Variants in PDZD2 observed in about 807,000 individuals in gnomAD.
PDZD2 encodes the protein PDZ domain containing 2, also known as PDZ domain-containing protein 2.
PDZD2 carries 90 observed loss-of-function variants against 220.7 expected under a neutral mutation model. The observed-to-expected ratio is 0.41, with a 90% CI of 0.34 to 0.49. The LOEUF (loss-of-function observed/expected upper bound fraction) is 0.49, where lower values mean the gene tolerates loss of function less well. Ranked by LOEUF, PDZD2 falls within the 20% of genes least tolerant of loss-of-function variation. The probability of loss-of-function intolerance (pLI) is 0.28; values close to 1 mark genes in which losing one functional copy is unlikely to be tolerated. For synonymous variants in PDZD2, 1,375 were observed against 1,450.5 expected (o/e 0.95, Z 1.18); for missense variants, 3,174 against 3,608.5 (o/e 0.88, Z 3.08).
chr5:31,918,898 A>G (rs1743917460), intron 2 of PDZD2, among the ~76,000 whole-genome samples: 1 of 152,160 alleles, frequency 6.6e-6, no homozygotes, highest in Non-Finnish European at 1.5e-5. Flanking sequence ...GCTCTTGTCA[A>G]GTAACTAGTG....
chr5:31,700,506 G>A (rs571534642), intron 1 of PDZD2, among the ~76,000 whole-genome samples: 101 of 152,188 alleles, frequency 6.6e-4, no homozygotes, highest in African/African-American at 2.2e-3. Flanking sequence ...TGCTTAGGTG[G>A]CCCCTGTCTC....
chr5:32,098,541 G>A lies in PDZD2; in HGVS notation c.8125G>A (p.Asp2709Asn), dbSNP rs765965222. The change falls in exon 23 of 25, where the codon GAT becomes AAT. Residue 2709 changes from aspartate (D) to asparagine (N), a missense_variant. Physicochemically the swap from Asp to Asn is conservative, Grantham distance 23. Around this residue, in one of 4 missense-constraint regions of PDZD2, gnomAD observed 631 missense variants for 789.9 expected, o/e 0.80. Transcript: ENST00000438447. This position sits in a 1 kb window ranked among gnomAD's most constrained non-coding sequence, Gnocchi z 4.1. Reference sequence around the variant, plus strand: ...CCTCGTGGTCATCAAGAAAGGGATGGATCAGCCCAGGCCCTCTGCCCGGCA... The same window carrying A: ...CCTCGTGGTCATCAAGAAAGGGATGAATCAGCCCAGGCCCTCTGCCCGGCA... ...DALVVIKKGM[D>N]QPRPSARQEP... 7 of 1,614,042 alleles carry A rather than the reference G, an allele frequency of 4.3e-6. No individual in the cohort carries two copies. The highest frequency in any genetic ancestry group is 1.3e-5 in the African/African-American group (1 of 74,924).
intron 1 of PDZD2, among the ~76,000 whole-genome samples, chr5:31,643,936 A>T (rs1745038512): frequency 6.6e-6 from 1 of 151,722 alleles, no homozygotes; most frequent in South Asian, 2.1e-4. Context: ...CTTCCACCTC[A>T]GCCTCCCAAG....
At chr5:31,847,710 C>T (rs1469397914) in intron 2 of PDZD2, 2 of 602,220 alleles carry the variant, frequency 3.3e-6, no homozygotes, top group Non-Finnish European at 6.3e-6. Context: ...TGGATGCAGG[C>T]CTTGCCAGAA....
At chr5:32,014,077 C>T (rs1251073380) in intron 6 of PDZD2, among the ~76,000 whole-genome samples, 5 of 152,162 alleles carry the variant, frequency 3.3e-5, no homozygotes, top group Admixed American at 2.0e-4. Context: ...GTTATATGTT[C>T]ACAATCTATG....
At chr5:31,790,256 C>A (rs1402721585) in intron 1 of PDZD2, among the ~76,000 whole-genome samples, 3 of 152,110 alleles carry the variant, frequency 2.0e-5, no homozygotes, top group Non-Finnish European at 4.4e-5. Context: ...CGCCACCATG[C>A]CCAGCTAATT....
intron 2 of PDZD2, among the ~76,000 whole-genome samples, chr5:31,828,909 TC>T (rs1259058847): frequency 2.0e-5 from 3 of 152,244 alleles, no homozygotes; most frequent in African/African-American, 7.2e-5. Flanking sequence ...AGATATTTTC[TC>T]AGGCAGCTGC....
At chr5:31,663,985 A>G (rs1745881909) in intron 1 of PDZD2, among the ~76,000 whole-genome samples, 1 of 152,156 alleles carries the variant, frequency 6.6e-6, no homozygotes, top group Non-Finnish European at 1.5e-5. Flanking sequence ...TTTCTAACCA[A>G]TGGACTATTT....
rs541027562 is a variant in PDZD2 at position 32,089,173 on chromosome 5, G to C, written c.5725G>C (p.Gly1909Arg). 15 of 1,614,012 alleles carry C rather than the reference G, an allele frequency of 9.3e-6. No homozygotes were observed. Among genetic ancestry groups the C allele is most frequent in the South Asian group, 8.8e-5 (8 of 91,076 alleles). Reference sequence around the variant, plus strand: ...CCCTGCTGCGAATGCTGTGAAGGCTGGGGGGACGGACCACAGGAAACCCTT... The same window carrying C: ...CCCTGCTGCGAATGCTGTGAAGGCTCGGGGGACGGACCACAGGAAACCCTT... The part of the protein sequence containing the change: ...EAPAANAVKA[G>R]GTDHRKPLIS... The change falls in exon 20 of 25, where the codon GGG becomes CGG. Residue 1909 changes from glycine to arginine, a missense_variant. Physicochemically the swap from Gly to Arg is moderately radical, Grantham distance 125. This residue lies in a region of PDZD2 where 1,861 missense variants were observed against 2,001.0 expected (regional missense o/e 0.93). Coordinates refer to ENST00000438447, the MANE Select transcript of PDZD2 (RefSeq NM_178140.4).
chr5:31,892,442 T>TG (rs1741127347), intron 2 of PDZD2, among the ~76,000 whole-genome samples: 2 of 152,212 alleles, frequency 1.3e-5, no homozygotes, highest in African/African-American at 4.8e-5. Flanking sequence ...AGGAGAGCAC[T>TG]GATAATTAGG....
chr5:31,639,268 G>C lies in PDZD2; in HGVS notation c.-530G>C, dbSNP rs930146872. The C allele has an allele frequency of 6.6e-6, 1 of 150,742 alleles. No homozygotes were observed. The highest frequency in any genetic ancestry group is 2.4e-5 in the African/African-American group (1 of 41,288). The allele number at this position is 150,742 out of a possible 1,614,324, so 9.3% of individuals were successfully genotyped here. On this transcript the variant is annotated 5_prime_UTR_variant, in exon 1 of 25. Transcript: ENST00000438447. The surrounding 1 kb of genome is among the most constrained non-coding windows in gnomAD (Gnocchi z 4.1). Reference sequence around the variant, plus strand: ...CCGCAGGCCGAACCCAAGGCACCGGGATTGCGCCTCCCGCGGCTGCCGGCG... The same window carrying C: ...CCGCAGGCCGAACCCAAGGCACCGGCATTGCGCCTCCCGCGGCTGCCGGCG...
intron 2 of PDZD2, among the ~76,000 whole-genome samples, chr5:31,952,280 A>T (rs1346327668): frequency 6.6e-6 from 1 of 152,260 alleles, no homozygotes; most frequent in Non-Finnish European, 1.5e-5. Flanking sequence ...AAGGGATATC[A>T]TAGCAGACAG....
chr5:31,680,314 C>T (rs1278906718), intron 1 of PDZD2, among the ~76,000 whole-genome samples: 4 of 152,026 alleles, frequency 2.6e-5, no homozygotes, highest in African/African-American at 7.3e-5. Flanking sequence ...AGGATGGAGC[C>T]GGTGGGGAAA....
chr5:32,040,433 GGA>G, intron 7 of PDZD2, among the ~76,000 whole-genome samples: 2 of 130,342 alleles, frequency 1.5e-5, no homozygotes, highest in African/African-American at 5.9e-5. Context: ...CGTCTCTGCC[GGA>G]CTGCCCATCG....
rs1403264384 is a variant in PDZD2, at chr5:31,914,288, T to TG, written c.477-68867_477-68866insG. ...GGCTCACGCCCGTAATCCCAATACT[T>TG]TGGGGGGCTGAGGCGGGTGGATCAC... On this transcript the variant is annotated intron_variant, in intron 2 of 24. Transcript: ENST00000438447. Among the ~76,000 whole-genome samples, 9 of 152,246 alleles carry TG rather than the reference T, an allele frequency of 5.9e-5. No homozygotes were observed. In the East Asian group the frequency reaches 1.4e-3, roughly 23 times the overall value.
intron 2 of PDZD2, among the ~76,000 whole-genome samples, chr5:31,844,435 C>T (rs990976426): frequency 5.3e-5 from 8 of 152,188 alleles, no homozygotes; most frequent in Middle Eastern, 3.2e-3. Context: ...CGATTTTTAA[C>T]AATGTGCATA....
intron 19 of PDZD2, among the ~76,000 whole-genome samples, chr5:32,086,663 TTTG>T (rs57422179): frequency 1.9e-4 from 28 of 150,578 alleles, no homozygotes; most frequent in East Asian, 6.0e-4. Flanking sequence ...AGAACGCCGT[TTTG>T]TTGTTGTTGT....
intron 2 of PDZD2, among the ~76,000 whole-genome samples, chr5:31,939,942 C>T (rs1336882391): frequency 6.6e-6 from 1 of 152,196 alleles, no homozygotes; most frequent in Non-Finnish European, 1.5e-5. Context: ...ATTCTGAATT[C>T]AAGAAAACTT....
intron 2 of PDZD2, among the ~76,000 whole-genome samples, chr5:31,824,873 G>A (rs1756120170): frequency 6.6e-6 from 1 of 152,174 alleles, no homozygotes; most frequent in African/African-American, 2.4e-5. Context: ...AGGTTTTTAG[G>A]ATTAAATGAA....
Sources: allele counts gnomAD v4.1 joint callset (sites outside exome capture counted in the v4.1 genomes callset), GRCh38; gene constraint gnomAD v4.1.1; regional missense constraint gnomAD v4.1.1; non-coding constraint Gnocchi (gnomAD v3.1); transcripts MANE v1.5; gene names NCBI Gene and HGNC (gene_info 2026-07-23, HGNC 2026-07-21).